PRKN: variants seen among roughly 807,000 people sequenced by gnomAD.
The protein encoded by PRKN is E3 ubiquitin-protein ligase parkin.
A neutral mutation model predicts 59.5 loss-of-function variants in PRKN; 56 were observed. The ratio of observed to expected loss-of-function variants is 0.94; its 90% CI spans 0.76 to 1.18. PRKN has a LOEUF of 1.18. Among genes scored for constraint, PRKN ranks in the 50% most tolerant of loss-of-function variants. The pLI, the probability that PRKN is intolerant of heterozygous loss-of-function variation, is 0.00. For synonymous variants in PRKN, 250 were observed against 222.1 expected, an observed-to-expected ratio of 1.13 and a Z score of -1.12; for missense variants, 657 against 596.4, an observed-to-expected ratio of 1.10 and a Z score of -1.06.
intron 6 of PRKN, among the ~76,000 whole-genome samples, chr6:161,880,349 G>A (rs567667369): frequency 6.6e-5 from 10 of 152,196 alleles, no homozygotes; most frequent in African/African-American, 2.4e-4. Context: ...TTTTGAACAT[G>A]CATATTTAGA....
At chr6:161,827,544 C>A (rs1332837969) in intron 6 of PRKN, among the ~76,000 whole-genome samples, 1 of 129,458 alleles carries the variant, frequency 7.7e-6, no homozygotes, top group Admixed American at 8.8e-5. Flanking sequence ...GAGTCTCAAT[C>A]TGTCACCCAG....
At chr6:161,367,742 C>T (rs1455736060) in intron 10 of PRKN, among the ~76,000 whole-genome samples, 3 of 152,078 alleles carry the variant, frequency 2.0e-5, no homozygotes, top group African/African-American at 4.8e-5. Context: ...GCCGGCGGGT[C>T]CGAGACCCTG....
chr6:161,767,232 G>A (rs1789460345), intron 7 of PRKN, among the ~76,000 whole-genome samples: 1 of 152,178 alleles, frequency 6.6e-6, no homozygotes, highest in South Asian at 2.1e-4. Flanking sequence ...AATCAGCATG[G>A]GCCGGGCACG....
At chr6:162,693,169 T>C (rs1159256900) in intron 1 of PRKN, among the ~76,000 whole-genome samples, 5 of 152,188 alleles carry the variant, frequency 3.3e-5, no homozygotes, top group Non-Finnish European at 7.3e-5. Context: ...GACTATCCTC[T>C]AGGTAAGAGA....
In PRKN at chr6:161,446,961, C is replaced by T. The variant is rs1789519319; in HGVS notation, c.1084-60084G>A. Among the ~76,000 whole-genome samples, 1 of 152,186 alleles carries T rather than the reference C, an allele frequency of 6.6e-6. No individual in the cohort carries two copies. The highest frequency in any genetic ancestry group is 2.1e-4 in the South Asian group (1 of 4,828). On this transcript the variant is annotated intron_variant, in intron 9 of 11. Coordinates refer to ENST00000366898, the MANE Select transcript of PRKN (RefSeq NM_004562.3). This position sits in a 1 kb window ranked among gnomAD's most constrained non-coding sequence, Gnocchi z 6.2. The stretch of plus-strand genomic sequence containing the variant: ...CCAGGACATGGGAGCAGCTCCTATC[C>T]TTCCCAGGTGAAAAAGTGGGCTTTT...
intron 4 of PRKN, among the ~76,000 whole-genome samples, chr6:162,140,923 T>A (rs962047284): frequency 8.5e-5 from 13 of 152,086 alleles, no homozygotes; most frequent in African/African-American, 3.1e-4. Context: ...CATCAGGAGA[T>A]CGAGACCATC....
At chr6:161,904,477 A>G (rs893856711) in intron 6 of PRKN, among the ~76,000 whole-genome samples, 1 of 151,682 alleles carries the variant, frequency 6.6e-6, no homozygotes, top group African/African-American at 2.4e-5. Context: ...CACCACGCCC[A>G]GCTAATTTTT....
rs150803320 is a variant in PRKN, at chr6:162,395,561, C to T, written c.171+47749G>A. 6.0e-3 allele frequency among the ~76,000 whole-genome samples: 907 copies of T among 152,332 alleles called. 11 individuals carry two copies. The highest frequency in any genetic ancestry group is 0.021 in the African/African-American group (861 of 41,580). ...CAAGAATCGCCCAGCAGTCTCTCCA[C>T]AATTCCAGACCTACGCAAACCATGA... On this transcript the variant is annotated intron_variant, in intron 2 of 11. Transcript: ENST00000366898.
At chr6:161,439,656 T>TGTGCCAAAGAGCTAGAAGTGTAC (rs1789100978) in intron 9 of PRKN, among the ~76,000 whole-genome samples, 1 of 152,120 alleles carries the variant, frequency 6.6e-6, no homozygotes, top group Non-Finnish European at 1.5e-5. Context: ...TAAACCGGTT[T>TGTGCCAAAGAGCTAGAAGTGTAC]GTGCCAAAGA....
At chr6:161,862,603 C>T (rs578238668) in intron 6 of PRKN, among the ~76,000 whole-genome samples, 2 of 151,424 alleles carry the variant, frequency 1.3e-5, no homozygotes, top group African/African-American at 2.4e-5. Flanking sequence ...CCTGGAGTAA[C>T]GGGGTAAAAA....
intron 2 of PRKN, among the ~76,000 whole-genome samples, chr6:162,353,894 T>C (rs567317445): frequency 1.3e-5 from 2 of 152,304 alleles, no homozygotes; most frequent in South Asian, 2.1e-4. Context: ...CAGTTTTTAA[T>C]ATGCAAATCT....
At chr6:161,658,687 A>G (rs557189718) in intron 7 of PRKN, among the ~76,000 whole-genome samples, 12 of 152,302 alleles carry the variant, frequency 7.9e-5, no homozygotes, top group Non-Finnish European at 1.5e-4. Context: ...CTTTACAAAT[A>G]TTTCATCCTT....
At chr6:161,478,094 T>C (rs971676449) in intron 9 of PRKN, among the ~76,000 whole-genome samples, 12 of 152,232 alleles carry the variant, frequency 7.9e-5, no homozygotes, top group African/African-American at 2.7e-4. Context: ...TAAGGATGTC[T>C]CTTTCAAGAT....
intron 7 of PRKN, among the ~76,000 whole-genome samples, chr6:161,759,155 G>C (rs567549343): frequency 7.1e-6 from 1 of 140,306 alleles, no homozygotes; most frequent in South Asian, 2.5e-4. Flanking sequence ...CCAGCCTGGC[G>C]ACAGAGTGAG....
chr6:162,618,972 G>A (rs1189739541), intron 1 of PRKN, among the ~76,000 whole-genome samples: 1 of 152,096 alleles, frequency 6.6e-6, no homozygotes, highest in Non-Finnish European at 1.5e-5. Flanking sequence ...AGTGACACTA[G>A]CATCTATAAT....
chr6:162,249,675 A>G (rs1256903148), intron 3 of PRKN, among the ~76,000 whole-genome samples: 3 of 152,156 alleles, frequency 2.0e-5, no homozygotes, highest in African/African-American at 7.2e-5. Context: ...AAAAAATCTC[A>G]GGCAGAATTA....
At chr6:162,423,579 G>A (rs1273827599) in intron 2 of PRKN, among the ~76,000 whole-genome samples, 1 of 152,120 alleles carries the variant, frequency 6.6e-6, no homozygotes, top group Non-Finnish European at 1.5e-5. Context: ...TATATAATCT[G>A]CTGAGTGTGA....
intron 2 of PRKN, among the ~76,000 whole-genome samples, chr6:162,285,241 A>C (rs1040416807): frequency 3.4e-5 from 5 of 149,250 alleles, no homozygotes; most frequent in Non-Finnish European, 7.4e-5. Flanking sequence ...GGCATGTATC[A>C]GGGATCTTCA....
At chr6:162,539,436 G>A (rs1429735516) in intron 1 of PRKN, among the ~76,000 whole-genome samples, 1 of 152,090 alleles carries the variant, frequency 6.6e-6, no homozygotes, top group Non-Finnish European at 1.5e-5. Context: ...AGTTTCAAAT[G>A]TCCTTGTCAT....
Sources: gnomAD v4.1 joint callset for allele counts (sites outside exome capture counted in the v4.1 genomes callset) on GRCh38, gnomAD v4.1.1 for gene constraint, Gnocchi (gnomAD v3.1) non-coding constraint, MANE v1.5 for transcripts, NCBI Gene and HGNC (gene_info 2026-07-23, HGNC 2026-07-21) for gene names.